RADIL: variants seen among roughly 807,000 people sequenced by gnomAD.
RADIL encodes the protein Rap associating with DIL domain, also known as ras-associating and dilute domain-containing protein.
A neutral mutation model predicts 97.6 loss-of-function variants in RADIL; 99 were observed. The ratio of observed to expected loss-of-function variants is 1.01; its 90% CI spans 0.86 to 1.20. The LOEUF is 1.20. Ranked by LOEUF, RADIL falls within the 50% of genes most tolerant of loss-of-function variation. The pLI, the probability that RADIL is intolerant of heterozygous loss-of-function variation, is 0.00. For synonymous variants in RADIL, 803 were observed against 691.8 expected, an observed-to-expected ratio of 1.16 and a Z score of -2.52; for missense variants, 1,765 against 1,498.9, an observed-to-expected ratio of 1.18 and a Z score of -2.93.
rs1189248173 is a variant in RADIL, at chr7:4,879,167, C to T, written c.-64-964G>A. ...TGCAGGCGTCCCGCCCACCACAGGC[C>T]GCGGGTGCCCGGCGCTCCAGGCCAC... On this transcript the variant is annotated intron_variant, in intron 1 of 14. Coordinates refer to ENST00000399583, the MANE Select transcript of RADIL (RefSeq NM_018059.5). The surrounding 1 kb of genome is among the most constrained non-coding windows in gnomAD (Gnocchi z 4.1). Among the ~76,000 whole-genome samples, 1 of 152,222 alleles carries T rather than the reference C, an allele frequency of 6.6e-6. No individual in the cohort carries two copies. Among genetic ancestry groups the T allele is most frequent in the Admixed American group, 6.5e-5 (1 of 15,284 alleles).
Position 4,824,499 on chromosome 7 carries a change from C to T in RADIL, c.1455-1945G>A, listed in dbSNP as rs1782921665. ...TTCTTTCCCCAGCTGGGCAGCCGAG[C>T]AGGGCTGGGGGAGGAACCCCAGGCT... On this transcript the variant is annotated intron_variant, in intron 5 of 14. Transcript: ENST00000399583. This position sits in a 1 kb window ranked among gnomAD's most constrained non-coding sequence, Gnocchi z 6.7. Among the ~76,000 whole-genome samples the T allele has an allele frequency of 6.6e-6, 1 of 152,248 alleles. No homozygotes were observed. The highest frequency in any genetic ancestry group is 1.5e-5 in the Non-Finnish European group (1 of 68,042).
At chr7:4,809,117 C>G (rs113085479) in intron 9 of RADIL, 47 of 984,908 alleles carry the variant, frequency 4.8e-5, no homozygotes, top group Non-Finnish European at 5.4e-5. Context: ...GGGCGCAGGA[C>G]AGGCGCTTCC....
Position 4,878,157 on chromosome 7 carries a change from G to A in RADIL, c.-18C>T, listed in dbSNP as rs1372161068. Reference sequence around the variant, plus strand: ...TAAAACATGGTGGGTGAGGCTTCATGGATGAGGACTGTGGGCTTCAGCCAA... The same window carrying A: ...TAAAACATGGTGGGTGAGGCTTCATAGATGAGGACTGTGGGCTTCAGCCAA... On this transcript the variant is annotated 5_prime_UTR_variant, in exon 2 of 15. Transcript: ENST00000399583. The surrounding 1 kb of genome is among the most constrained non-coding windows in gnomAD (Gnocchi z 4.1). 6.6e-7 allele frequency: 1 copy of A among 1,520,288 alleles called. No homozygotes were observed. The highest frequency in any genetic ancestry group is 2.0e-5 in the Admixed American group (1 of 48,952). The allele number at this position is 1,520,288 out of a possible 1,614,324, so 94.2% of individuals were successfully genotyped here.
At chr7:4,875,537 C>T (rs1363853181) in intron 2 of RADIL, among the ~76,000 whole-genome samples, 1 of 152,194 alleles carries the variant, frequency 6.6e-6, no homozygotes, top group East Asian at 1.9e-4. Flanking sequence ...CCCGGTGACA[C>T]ACAACGCAAT....
rs1373043159 is a variant in RADIL at position 4,832,361 on chromosome 7, C to T, written c.1417-183G>A. 3 of 629,058 alleles carry T rather than the reference C, an allele frequency of 4.8e-6. No individual in the cohort carries two copies. The African/African-American group carries it at 5.4e-5, about 11-fold the overall frequency. The allele number at this position is 629,058 out of a possible 1,614,324, so 39.0% of individuals were successfully genotyped here. A position where few individuals can be genotyped will look rare whatever the true frequency, so the allele number is the denominator to read the frequency against. On this transcript the variant is annotated intron_variant, in intron 4 of 14. Coordinates refer to ENST00000399583, the MANE Select transcript of RADIL (RefSeq NM_018059.5). ...TTTCCATGTGACTTCAACATCTTCC[C>T]ATTCCATTACCGACTATGACCTACA...
chr7:4,881,012 A>C (rs570391759), intron 1 of RADIL, among the ~76,000 whole-genome samples: 1 of 147,492 alleles, frequency 6.8e-6, no homozygotes, highest in South Asian at 2.2e-4. Flanking sequence ...AGGCAGGAGG[A>C]TCACCGGAGC....
chr7:4,806,172 C>A, intron 9 of RADIL: 1 of 695,722 alleles, frequency 1.4e-6, no homozygotes, highest in Non-Finnish European at 1.8e-6. Flanking sequence ...TTTTTTGAGA[C>A]AGAGTCTCAT....
rs765623281 is a variant in RADIL at position 4,815,329 on chromosome 7, C to T, written c.2088G>A (p.Lys696=). ...FGAAGEHFFQ[K]LSCTLNLLAT... ...CCAGCAGGTTGAGGGTGCAGGAGAGCTTCTGGAAGAAGTGCTCTCCAGCCG... is the reference window on the plus strand; with the variant it reads ...CCAGCAGGTTGAGGGTGCAGGAGAGTTTCTGGAAGAAGTGCTCTCCAGCCG... The change falls in exon 9 of 15, where the codon AAG becomes AAA. Residue 696 remains lysine (K), a synonymous_variant. Transcript: ENST00000399583. This position sits in a 1 kb window ranked among gnomAD's most constrained non-coding sequence, Gnocchi z 8.0. 1 of 1,559,184 alleles carries T rather than the reference C, an allele frequency of 6.4e-7. No individual in the cohort carries two copies. Among genetic ancestry groups the T allele is most frequent in the South Asian group, 1.2e-5 (1 of 84,576 alleles).
Position 4,872,564 on chromosome 7 carries a change from G to A in RADIL, c.535+5041C>T, listed in dbSNP as rs1284312715. ...TGACAGGACCCAGGCCCCTCTGTGG[G>A]GCACCAGCCCTAAATACAGCCTTCT... On this transcript the variant is annotated intron_variant, in intron 2 of 14. Transcript: ENST00000399583. This position sits in a 1 kb window ranked among gnomAD's most constrained non-coding sequence, Gnocchi z 5.8. Among the ~76,000 whole-genome samples, 2 of 152,010 alleles carry A rather than the reference G, an allele frequency of 1.3e-5. No homozygotes were observed. The highest frequency in any genetic ancestry group is 2.1e-4 in the South Asian group (1 of 4,802).
chr7:4,852,920 G>C (rs1467087268), intron 2 of RADIL, among the ~76,000 whole-genome samples: 2 of 152,202 alleles, frequency 1.3e-5, no homozygotes, highest in Admixed American at 1.3e-4. Flanking sequence ...GGCTGGGGCA[G>C]ATATTTGTGT....
At position 4,803,700 on chromosome 7, in the gene RADIL, C is replaced by T; in HGVS notation, c.2345G>A (p.Gly782Asp). ...GTTGGCTTCCAAGTCCACCTGGAAG[C>T]CGTCGCTGGGCAGGACGATGGGTGG... Reference protein sequence around the residue: ...NPPPIVLPSDGFQVDLEANCL... With the variant: ...NPPPIVLPSDDFQVDLEANCL... Residue 782 changes from glycine to aspartate, a missense_variant, in exon 11 of 15, where the codon GGC becomes GAC. Gly to Asp is a moderately conservative substitution (Grantham distance 94). Coordinates refer to ENST00000399583, the MANE Select transcript of RADIL (RefSeq NM_018059.5). 1 of 1,565,916 alleles carries T rather than the reference C, an allele frequency of 6.4e-7. No individual in the cohort carries two copies. The highest frequency in any genetic ancestry group is 8.7e-7 in the Non-Finnish European group (1 of 1,156,024).
Position 4,815,412 on chromosome 7 carries a change from G to A in RADIL, c.2005C>T (p.Gln669Ter). The A allele has an allele frequency of 2.6e-6, 4 of 1,559,810 alleles. No homozygotes were observed. The highest frequency in any genetic ancestry group is 3.5e-6 in the Non-Finnish European group (4 of 1,151,282). The change falls in exon 9 of 15, where the codon CAG becomes TAG. Residue 669 changes from glutamine (Q) to a stop codon, truncating the protein, a stop_gained. Transcript: ENST00000399583. LOFTEE classifies it high-confidence loss of function. The surrounding 1 kb of genome is among the most constrained non-coding windows in gnomAD (Gnocchi z 8.0). ...AGCTGCTGCAGGCGGGCGCAGGCCT[G>A]GACACCTCTGGGCCAGTGGAAGCAG... is the stretch of plus-strand genomic sequence containing the variant. ...LSCFHWPRGV[Q>*]ACARLQQLLE...
intron 2 of RADIL, chr7:4,859,317 T>C (rs1237268747): frequency 3.3e-5 from 5 of 152,890 alleles, no homozygotes; most frequent in Non-Finnish European, 7.3e-5. Context: ...TATAAGGAAT[T>C]CTGATACCAG....
At chr7:4,805,754 G>A in intron 9 of RADIL, 38 bp from the exon 10 acceptor site, 2 of 1,590,894 alleles carry the variant, frequency 1.3e-6, no homozygotes, top group Non-Finnish European at 8.6e-7. Flanking sequence ...ACAGGTCTCT[G>A]GGTGCAGACC....
intron 2 of RADIL, among the ~76,000 whole-genome samples, chr7:4,866,648 A>G (rs1193537698): frequency 6.6e-6 from 1 of 151,960 alleles, no homozygotes; most frequent in Non-Finnish European, 1.5e-5. Context: ...ATAACACTCC[A>G]CTCCACTGCA....
At chr7:4,861,337 G>A (rs1288546191) in intron 2 of RADIL, 1 of 1,613,890 alleles carries the variant, frequency 6.2e-7, no homozygotes, top group Non-Finnish European at 8.5e-7. Context: ...AACACAGTTT[G>A]ATAACTGGCA....
chr7:4,847,655 G>T (rs911566788), intron 2 of RADIL, among the ~76,000 whole-genome samples: 12 of 133,822 alleles, frequency 9.0e-5, no homozygotes, highest in African/African-American at 3.4e-4. Flanking sequence ...CTACTGTTTA[G>T]CAATGAAAAG....
At position 4,818,015 on chromosome 7, in the gene RADIL, C is replaced by G. The variant is rs1253843234; in HGVS notation, c.1616-664G>C. 6.6e-6 allele frequency among the ~76,000 whole-genome samples: 1 copy of G among 152,220 alleles called. No individual in the cohort carries two copies. Among genetic ancestry groups the G allele is most frequent in the East Asian group, 1.9e-4 (1 of 5,186 alleles). The stretch of plus-strand genomic sequence containing the variant: ...TCAGTGACTGAGGGTCCCATCAGCA[C>G]CTGGGGAAGGGGCCAGGACCCTGGG... On this transcript the variant is annotated intron_variant, in intron 6 of 14. Transcript: ENST00000399583. This position sits in a 1 kb window ranked among gnomAD's most constrained non-coding sequence, Gnocchi z 7.1.
chr7:4,808,327 C>T (rs961523608), intron 9 of RADIL, among the ~76,000 whole-genome samples: 1 of 151,774 alleles, frequency 6.6e-6, no homozygotes, highest in Non-Finnish European at 1.5e-5. Flanking sequence ...TCCAAGACCG[C>T]TCTTGTTCTC....
Sources: allele counts gnomAD v4.1 joint callset (sites outside exome capture counted in the v4.1 genomes callset), GRCh38; gene constraint gnomAD v4.1.1; non-coding constraint Gnocchi (gnomAD v3.1); transcripts MANE v1.5; gene names NCBI Gene and HGNC (gene_info 2026-07-23, HGNC 2026-07-21).